Variants in CSMD1 observed in about 807,000 individuals in gnomAD.
The protein encoded by CSMD1 is CUB and Sushi multiple domains 1, also known as CUB and sushi domain-containing protein 1.
CSMD1 carries 213 observed loss-of-function variants against 417.5 expected under a neutral mutation model. That is an observed-to-expected ratio of 0.51 (90% confidence interval 0.46 to 0.57). The LOEUF is 0.57. Ranked by LOEUF, CSMD1 falls within the 20% of genes least tolerant of loss-of-function variation. CSMD1 has a pLI of 0.00. For missense variants in CSMD1, 6,923 were observed against 4,529.7 expected, an observed-to-expected ratio of 1.53 and a Z score of -15.17; for synonymous variants, 2,862 against 1,736.8, an observed-to-expected ratio of 1.65 and a Z score of -16.11.
intron 2 of CSMD1, among the ~76,000 whole-genome samples, chr8:4,628,283 A>G (rs1225875479): frequency 6.6e-6 from 1 of 151,300 alleles, no homozygotes; most frequent in Admixed American, 6.6e-5. Flanking sequence ...TAAATATTTT[A>G]ACTTAATTTG....
chr8:3,672,668 G>A (rs535360186), intron 7 of CSMD1, among the ~76,000 whole-genome samples: 2 of 152,214 alleles, frequency 1.3e-5, no homozygotes, highest in South Asian at 2.1e-4. Flanking sequence ...AGTGTCACTG[G>A]GCATCTGTTC....
At chr8:3,918,724 C>A (rs1007761246) in intron 5 of CSMD1, among the ~76,000 whole-genome samples, 9 of 152,006 alleles carry the variant, frequency 5.9e-5, no homozygotes, top group African/African-American at 1.9e-4. Context: ...ATGGCATTTG[C>A]AGCAACCTGG....
intron 11 of CSMD1, among the ~76,000 whole-genome samples, chr8:3,477,642 G>A (rs2117227269): frequency 6.6e-6 from 1 of 152,298 alleles, no homozygotes; most frequent in African/African-American, 2.4e-5. Flanking sequence ...CAGCTGCAAA[G>A]CAGCCAGGGG....
In CSMD1 at chr8:4,972,166, G is replaced by A. The variant is rs76797102; in HGVS notation, c.85+22166C>T. ...TGTAGGTAGAAATGAGACCACACAC[G>A]TAGAAGTTATAAAAACAGAGACTTC... On this transcript the variant is annotated intron_variant, in intron 1 of 69. Coordinates refer to ENST00000635120, the MANE Select transcript of CSMD1 (RefSeq NM_033225.6). 4.6e-5 allele frequency among the ~76,000 whole-genome samples: 7 copies of A among 152,180 alleles called. No individual in the cohort carries two copies. The East Asian group carries it at 5.8e-4, about 13-fold the overall frequency.
chr8:4,122,917 A>T (rs1029966528), intron 3 of CSMD1, among the ~76,000 whole-genome samples: 12 of 152,378 alleles, frequency 7.9e-5, no homozygotes, highest in African/African-American at 2.9e-4. Context: ...CTTTAAGGAC[A>T]CAAATCCACG....
At chr8:4,250,005 G>C (rs1342521449) in intron 3 of CSMD1, among the ~76,000 whole-genome samples, 4 of 152,040 alleles carry the variant, frequency 2.6e-5, no homozygotes, top group African/African-American at 7.2e-5. Context: ...GAAGTGTTTA[G>C]GTCATAAGGG....
chr8:3,477,976 A>G (rs746672917), intron 11 of CSMD1, among the ~76,000 whole-genome samples: 4 of 152,230 alleles, frequency 2.6e-5, no homozygotes, highest in African/African-American at 4.8e-5. Context: ...CATTGAATAA[A>G]TAATCATATT....
chr8:4,418,181 T>C (rs1251052205), intron 3 of CSMD1, among the ~76,000 whole-genome samples: 1 of 152,054 alleles, frequency 6.6e-6, no homozygotes. Flanking sequence ...CATCAGACTA[T>C]AATATCACCA....
intron 5 of CSMD1, among the ~76,000 whole-genome samples, chr8:3,883,244 T>A (rs1237990962): frequency 6.6e-6 from 1 of 152,194 alleles, no homozygotes; most frequent in Non-Finnish European, 1.5e-5. Context: ...CCTGTAATTT[T>A]CCTCATATTA....
chr8:3,414,168 A>C (rs1407802873), intron 12 of CSMD1, among the ~76,000 whole-genome samples: 1 of 143,986 alleles, frequency 6.9e-6, no homozygotes, highest in Non-Finnish European at 1.5e-5. Flanking sequence ...AAAAGAAGCA[A>C]ACACTATGAT....
chr8:4,497,461 A>G (rs764932872), intron 2 of CSMD1, among the ~76,000 whole-genome samples: 1 of 152,196 alleles, frequency 6.6e-6, no homozygotes, highest in Non-Finnish European at 1.5e-5. Context: ...TCCAGGCCCA[A>G]TTGTGTTTCA....
intron 1 of CSMD1, among the ~76,000 whole-genome samples, chr8:4,639,950 T>C (rs892012039): frequency 2.6e-5 from 4 of 152,172 alleles, no homozygotes; most frequent in Non-Finnish European, 5.9e-5. Flanking sequence ...TGAAAGGTTT[T>C]TAAAGAAAAT....
intron 5 of CSMD1, among the ~76,000 whole-genome samples, chr8:3,774,678 T>C (rs938461985): frequency 6.6e-6 from 1 of 152,116 alleles, no homozygotes; most frequent in Non-Finnish European, 1.5e-5. Flanking sequence ...AAAAATCAGT[T>C]TGACTAATGC....
In CSMD1 at chr8:3,454,673, G is replaced by T. The variant is rs369978784; in HGVS notation, c.1561+14039C>A. Among the ~76,000 whole-genome samples, 3 of 152,212 alleles carry T rather than the reference G, an allele frequency of 2.0e-5. No homozygotes were observed. The East Asian group carries it at 5.8e-4, about 29-fold the overall frequency. On this transcript the variant is annotated intron_variant, in intron 12 of 69. Transcript: ENST00000635120. ...TCTTCTGGCTTGTAGAGTTTCTGCG[G>T]AGAGATCAGCTGTTAGTCTGATGGG...
chr8:4,771,177 G>T (rs772827279), intron 1 of CSMD1, among the ~76,000 whole-genome samples: 26 of 152,324 alleles, frequency 1.7e-4, no homozygotes, highest in Middle Eastern at 3.4e-3. Flanking sequence ...AGAAGACTGA[G>T]GCCCAGAAAT....
intron 7 of CSMD1, among the ~76,000 whole-genome samples, chr8:3,675,575 C>G (rs373101141): frequency 6.6e-6 from 1 of 152,066 alleles, no homozygotes; most frequent in Admixed American, 6.6e-5. Context: ...GGTTTACATG[C>G]AGACACGAGG....
At chr8:4,535,734 T>C (rs918979179) in intron 2 of CSMD1, among the ~76,000 whole-genome samples, 8 of 152,216 alleles carry the variant, frequency 5.3e-5, no homozygotes, top group African/African-American at 1.7e-4. Flanking sequence ...ATCTAAATGA[T>C]CGCAGTAGTA....
chr8:4,122,347 T>C (rs1005035258), intron 3 of CSMD1, among the ~76,000 whole-genome samples: 31 of 152,132 alleles, frequency 2.0e-4, no homozygotes, highest in Admixed American at 1.4e-3. Flanking sequence ...CAAGAAGAAA[T>C]AGGATTTACT....
At chr8:4,823,176 G>T (rs550998615) in intron 1 of CSMD1, among the ~76,000 whole-genome samples, 192 of 152,116 alleles carry the variant, frequency 1.3e-3, no homozygotes, top group Non-Finnish European at 2.0e-3. Context: ...GTTCCTGTCA[G>T]ATCTGTTTAA....
Sources: allele counts gnomAD v4.1 joint callset (sites outside exome capture counted in the v4.1 genomes callset), GRCh38; gene constraint gnomAD v4.1.1; transcripts MANE v1.5; gene names NCBI Gene and HGNC (gene_info 2026-07-23, HGNC 2026-07-21).